MAP3K14: variants seen among roughly 807,000 people sequenced by gnomAD.
MAP3K14 encodes the protein NF-kappa-beta-inducing kinase.
In MAP3K14, 16 loss-of-function variants were observed where a neutral mutation model predicts 99.2. That is an observed-to-expected ratio of 0.16 (90% CI 0.11 to 0.24). The LOEUF (loss-of-function observed/expected upper bound fraction) is 0.24. Among genes scored for constraint, MAP3K14 ranks in the 10% least tolerant of loss-of-function variants. The pLI is 1.00. For synonymous variants in MAP3K14, 462 were observed against 492.4 expected, an observed-to-expected ratio of 0.94 and a Z score of 0.82; for missense variants, 784 against 1,208.7, an observed-to-expected ratio of 0.65 and a Z score of 5.21.
At chr17:45,314,696 T>TA (rs1485621076) in intron 1 of MAP3K14, among the ~76,000 whole-genome samples, 4 of 152,112 alleles carry the variant, frequency 2.6e-5, no homozygotes, top group African/African-American at 9.7e-5. Flanking sequence ...TGGGCTGACT[T>TA]AGACTTTTTA....
chr17:45,273,926 C>T, intron 8 of MAP3K14, 197 bp downstream of exon 8: 2 of 722,712 alleles, frequency 2.8e-6, no homozygotes, highest in Non-Finnish European at 4.5e-6. Flanking sequence ...TCTGTGGCCA[C>T]CGTCTACCAG....
At chr17:45,289,406 C>T in intron 2 of MAP3K14, 101 bp from the exon 3 acceptor site, 1 of 884,808 alleles carries the variant, frequency 1.1e-6, no homozygotes, top group Non-Finnish European at 1.8e-6. Flanking sequence ...GCCTCTCCTT[C>T]CCCTCCTTTC....
intron 1 of MAP3K14, among the ~76,000 whole-genome samples, chr17:45,295,129 TATATC>T (rs1238795151): frequency 1.3e-5 from 2 of 152,192 alleles, no homozygotes; most frequent in Non-Finnish European, 2.9e-5. Context: ...CTTTTTAGAA[TATATC>T]ATATTTCATT....
chr17:45,275,431 C>T (rs543168974), intron 6 of MAP3K14, among the ~76,000 whole-genome samples: 2 of 148,456 alleles, frequency 1.3e-5, no homozygotes, highest in Admixed American at 1.4e-4. Context: ...TCGCAATAAG[C>T]CGAGGTCGCA....
intron 10 of MAP3K14, 160 bp downstream of exon 10, chr17:45,270,898 C>A (rs957174587): frequency 1.9e-6 from 2 of 1,047,672 alleles, no homozygotes; most frequent in Non-Finnish European, 2.8e-6. Context: ...CCCCTTGTAC[C>A]CCCAGATTTG....
chr17:45,265,597 C>T (rs1713746429), intron 14 of MAP3K14, among the ~76,000 whole-genome samples: 1 of 151,656 alleles, frequency 6.6e-6, no homozygotes, highest in Admixed American at 6.6e-5. Flanking sequence ...GCCACTATAC[C>T]CAGCTAATTT....
intron 1 of MAP3K14, among the ~76,000 whole-genome samples, chr17:45,292,589 G>A (rs2044319268): frequency 1.3e-5 from 2 of 152,018 alleles, no homozygotes; most frequent in Non-Finnish European, 2.9e-5. Flanking sequence ...TCTAAGGGGT[G>A]TTCTGACATC....
chr17:45,266,458 A>T, intron 14 of MAP3K14, 79 bp downstream of exon 14: 5 of 1,508,146 alleles, frequency 3.3e-6, no homozygotes, highest in Non-Finnish European at 3.6e-6. Flanking sequence ...GAGGGGAGAC[A>T]AAATCCCTCA....
At chr17:45,282,735 C>T (rs2044233257) in intron 6 of MAP3K14, among the ~76,000 whole-genome samples, 2 of 152,150 alleles carry the variant, frequency 1.3e-5, no homozygotes, top group Non-Finnish European at 2.9e-5. Context: ...ATCAGGGGGG[C>T]ACAGACTTGC....
intron 1 of MAP3K14, among the ~76,000 whole-genome samples, chr17:45,305,365 GGATTACAGGCGT>G (rs1343810134): frequency 2.0e-5 from 3 of 149,878 alleles, no homozygotes; most frequent in Admixed American, 6.7e-5. Context: ...CAAAGTGCTG[GGATTACAGGCGT>G]GAGCCACAGC....
intron 3 of MAP3K14, among the ~76,000 whole-genome samples, chr17:45,288,879 C>G (rs531505429): frequency 1.1e-4 from 16 of 152,282 alleles, no homozygotes; most frequent in African/African-American, 2.9e-4. Flanking sequence ...AGGCCCCCCC[C>G]ACCAACCCGG....
At chr17:45,265,319 A>C in intron 14 of MAP3K14, 56 bp from the exon 15 acceptor site, 1 of 1,207,908 alleles carries the variant, frequency 8.3e-7, no homozygotes, top group Non-Finnish European at 1.2e-6. Context: ...CCCAAGGACC[A>C]GGGTCCTGGC....
At position 45,289,221 on chromosome 17, in the gene MAP3K14, G is replaced by T; in HGVS notation, c.326+15C>A. ...AGTCCCCACCTTCCCACTCAGGCTT[G>T]TCTCCCCTGCTTACCTGTACTGTTT... On this transcript the variant is annotated intron_variant, in intron 3 of 15. Coordinates refer to ENST00000344686, the MANE Select transcript of MAP3K14 (RefSeq NM_003954.5). The T allele has an allele frequency of 6.2e-7, 1 of 1,613,086 alleles. No individual in the cohort carries two copies. Among genetic ancestry groups the T allele is most frequent in the Non-Finnish European group, 8.5e-7 (1 of 1,179,146 alleles).
At chr17:45,315,081 T>C (rs919247441) in intron 1 of MAP3K14, among the ~76,000 whole-genome samples, 2 of 151,492 alleles carry the variant, frequency 1.3e-5, no homozygotes, top group Non-Finnish European at 2.9e-5. Context: ...AGCCATCTTC[T>C]CAGCAGTAAA....
At chr17:45,270,384 C>CG in intron 11 of MAP3K14, 29 bp downstream of exon 11, 1 of 1,600,856 alleles carries the variant, frequency 6.2e-7, no homozygotes. Flanking sequence ...TTCTGCCCCC[C>CG]GGGTCAGCCA....
Position 45,274,183 on chromosome 17 carries a change from G to C in MAP3K14, c.1492C>G (p.Gln498Glu), listed in dbSNP as rs966320344. ...AGGTATTCCAGACCCTCCAGGGCCT[G>C]GCCCAGGTAGTACAGGGCCCGGTCC... is the stretch of plus-strand genomic sequence containing the variant. ...PEDRALYYLG[Q>E]ALEGLEYLHS... The change falls in exon 8 of 16, where the codon CAG becomes GAG. Residue 498 changes from glutamine (Q) to glutamate (E), a missense_variant. Physicochemically the swap from Gln to Glu is conservative, Grantham distance 29. Coordinates refer to ENST00000344686, the MANE Select transcript of MAP3K14 (RefSeq NM_003954.5). The C allele has an allele frequency of 6.2e-7, 1 of 1,602,370 alleles. No homozygotes were observed. The highest frequency in any genetic ancestry group is 1.3e-5 in the African/African-American group (1 of 74,850).
At chr17:45,316,015 A>AT (rs1568006635) in intron 1 of MAP3K14, among the ~76,000 whole-genome samples, 1 of 152,172 alleles carries the variant, frequency 6.6e-6, no homozygotes, top group Non-Finnish European at 1.5e-5. Context: ...CACTCTAATC[A>AT]TTTAATTTCA....
rs1171779101 is a variant in MAP3K14, at chr17:45,286,364, A to C, written c.1152+67T>G. The C allele has an allele frequency of 2.0e-6, 3 of 1,474,320 alleles. No individual in the cohort carries two copies. In the East Asian group the frequency reaches 7.2e-5, roughly 35 times the overall value. 91.3% of individuals were successfully genotyped at this position (1,474,320 alleles called of 1,614,324 possible). A position where few individuals can be genotyped will look rare whatever the true frequency, so the allele number is the denominator to read the frequency against. The stretch of plus-strand genomic sequence containing the variant: ...CACCACAGGCAAGAGTGACTCTGAT[A>C]AAGAGAGAAAAGCATCCCCCAGGTT... On this transcript the variant is annotated intron_variant, in intron 5 of 15. Transcript: ENST00000344686. This position sits in a 1 kb window ranked among gnomAD's most constrained non-coding sequence, Gnocchi z 4.1.
rs1443082335 is a variant in MAP3K14, at chr17:45,286,277, T to C, written c.1152+154A>G. On this transcript the variant is annotated intron_variant, in intron 5 of 15. Transcript: ENST00000344686. The surrounding 1 kb of genome is among the most constrained non-coding windows in gnomAD (Gnocchi z 4.1). ...GCTAAAAAGGCTGTGAGAAGTGAGATTGGCGGAATAAGAGATGATACTTTT... is the reference window on the plus strand; with the variant it reads ...GCTAAAAAGGCTGTGAGAAGTGAGACTGGCGGAATAAGAGATGATACTTTT... 6.6e-6 allele frequency among the ~76,000 whole-genome samples: 1 copy of C among 152,114 alleles called. No individual in the cohort carries two copies. The highest frequency in any genetic ancestry group is 2.4e-5 in the African/African-American group (1 of 41,416).
Sources: allele counts gnomAD v4.1 joint callset (sites outside exome capture counted in the v4.1 genomes callset), GRCh38; gene constraint gnomAD v4.1.1; non-coding constraint Gnocchi (gnomAD v3.1); transcripts MANE v1.5; gene names NCBI Gene and HGNC (gene_info 2026-07-23, HGNC 2026-07-21).